Variants in TNR observed in about 807,000 individuals in gnomAD.
TNR encodes tenascin-R.
In TNR, 45 loss-of-function variants were observed where a neutral mutation model predicts 150.4. The ratio of observed to expected loss-of-function variants is 0.30; its 90% CI spans 0.24 to 0.38. TNR has a LOEUF of 0.38. TNR is among the 10% of genes least tolerant of loss of function. The probability of loss-of-function intolerance (pLI) is 1.00; values close to 1 mark genes in which losing one functional copy is unlikely to be tolerated. For synonymous variants in TNR, 687 were observed against 678.4 expected, an observed-to-expected ratio of 1.01 and a Z score of -0.20; for missense variants, 1,544 against 1,759.1, an observed-to-expected ratio of 0.88 and a Z score of 2.19.
intron 2 of TNR, among the ~76,000 whole-genome samples, chr1:175,439,789 G>A (rs892767170): frequency 6.6e-6 from 1 of 152,190 alleles, no homozygotes; most frequent in African/African-American, 2.4e-5. Context: ...CATCATCACT[G>A]GCCATCAGAG....
chr1:175,611,650 G>A (rs934894572), intron 1 of TNR, among the ~76,000 whole-genome samples: 1 of 152,040 alleles, frequency 6.6e-6, no homozygotes, highest in Non-Finnish European at 1.5e-5. Flanking sequence ...GCTCTCTCTT[G>A]ATCTCCATCT....
At chr1:175,541,902 C>T (rs1450000997) in intron 1 of TNR, among the ~76,000 whole-genome samples, 2 of 152,222 alleles carry the variant, frequency 1.3e-5, no homozygotes, top group Admixed American at 1.3e-4. Flanking sequence ...CAACGTTTGA[C>T]CACATTTGTC....
intron 1 of TNR, among the ~76,000 whole-genome samples, chr1:175,730,289 C>T (rs1225777718): frequency 6.6e-6 from 1 of 152,200 alleles, no homozygotes; most frequent in Non-Finnish European, 1.5e-5. Flanking sequence ...TGCAACCCAC[C>T]TGCCATCTCC....
intron 1 of TNR, among the ~76,000 whole-genome samples, chr1:175,597,794 A>G (rs1663069201): frequency 1.3e-5 from 2 of 152,226 alleles, no homozygotes; most frequent in Non-Finnish European, 2.9e-5. Flanking sequence ...CAAAAGAAAA[A>G]CAGATGGCAG....
chr1:175,648,895 A>C (rs1157468872), intron 1 of TNR, among the ~76,000 whole-genome samples: 4 of 152,244 alleles, frequency 2.6e-5, no homozygotes, highest in African/African-American at 9.6e-5. Flanking sequence ...TTCCTGGTTC[A>C]TGTTGACTTG....
chr1:175,330,343 A>C, intron 20 of TNR, 108 bp from the exon 21 acceptor site: 3 of 1,191,220 alleles, frequency 2.5e-6, no homozygotes, highest in South Asian at 2.1e-5. Flanking sequence ...AGAGGAGGGG[A>C]CTCCAGATTG....
chr1:175,585,094 C>T (rs565205038), intron 1 of TNR, among the ~76,000 whole-genome samples: 62 of 152,304 alleles, frequency 4.1e-4, no homozygotes, highest in African/African-American at 1.4e-3. Flanking sequence ...GAGGCCTTAA[C>T]TCATGTCAAC....
At chr1:175,655,098 T>C (rs1301552457) in intron 1 of TNR, among the ~76,000 whole-genome samples, 2 of 152,196 alleles carry the variant, frequency 1.3e-5, no homozygotes, top group Non-Finnish European at 2.9e-5. Context: ...CGCTGAGGAC[T>C]GATTTAGCTT....
At chr1:175,545,156 C>CA (rs1557997829) in intron 1 of TNR, among the ~76,000 whole-genome samples, 2 of 151,762 alleles carry the variant, frequency 1.3e-5, no homozygotes, top group Admixed American at 1.3e-4. Context: ...CTGCTACAAC[C>CA]AAAAAAAGAA....
chr1:175,550,087 A>C (rs1361629843), intron 1 of TNR, among the ~76,000 whole-genome samples: 1 of 152,194 alleles, frequency 6.6e-6, no homozygotes, highest in African/African-American at 2.4e-5. Flanking sequence ...TGGCCAACAA[A>C]TTTTGCAAGA....
At chr1:175,391,234 C>T in intron 7 of TNR, 54 bp downstream of exon 7, 1 of 1,590,810 alleles carries the variant, frequency 6.3e-7, no homozygotes, top group Admixed American at 1.8e-5. Context: ...TTCTGTGGTT[C>T]TTTTCCAAGT....
At chr1:175,574,358 A>C (rs1571625830) in intron 1 of TNR, among the ~76,000 whole-genome samples, 1 of 152,184 alleles carries the variant, frequency 6.6e-6, no homozygotes, top group Non-Finnish European at 1.5e-5. Context: ...GGTATAAGAT[A>C]ATCAAAGTAC....
In TNR at chr1:175,357,108, A is replaced by G. The variant is rs1011595768; in HGVS notation, c.2975-646T>C. 5.3e-5 allele frequency among the ~76,000 whole-genome samples: 8 copies of G among 152,248 alleles called. No homozygotes were observed. The South Asian group carries it at 1.7e-3, about 32-fold the overall frequency. On this transcript the variant is annotated intron_variant, in intron 15 of 22. Transcript: ENST00000367674. ...CCCTACCTCTCAATCCAATTTTGTT[A>G]GTTGATTTTTTATACCCATGGACAG...
chr1:175,386,103 C>A lies in TNR; in HGVS notation c.1706G>T (p.Arg569Leu), dbSNP rs776579268. 61 of 1,612,548 alleles carry A rather than the reference C, an allele frequency of 3.8e-5. No homozygotes were observed. The highest frequency in any genetic ancestry group is 4.6e-5 in the Non-Finnish European group (54 of 1,178,918). Residue 569 changes from arginine (R) to leucine (L), a missense_variant, in exon 8 of 23, where the codon CGA becomes CTA. Arg to Leu is a moderately radical substitution (Grantham distance 102). Around this residue, in one of 2 missense-constraint regions of TNR, gnomAD observed 1,254 missense variants for 1,329.4 expected, o/e 0.94. Transcript: ENST00000367674. ...YSVQALRPGSRYEVSVSAVRG... is the reference protein window; with the variant it reads ...YSVQALRPGSLYEVSVSAVRG... ...GACGGCACTGACTGACACCTCGTAT[C>A]GGGAGCCAGGCCGCAGGGCCTGCAC...
At chr1:175,535,692 C>T (rs1166087577) in intron 1 of TNR, among the ~76,000 whole-genome samples, 1 of 150,880 alleles carries the variant, frequency 6.6e-6, no homozygotes, top group African/African-American at 2.4e-5. Flanking sequence ...TATTTCTTAA[C>T]TTTGGTATAA....
rs1651475105 is a variant in TNR, at chr1:175,359,191, G to A, written c.2974+421C>T. Among the ~76,000 whole-genome samples, 7 of 116,670 alleles carry A rather than the reference G, an allele frequency of 6.0e-5. 1 individual carries two copies. The Admixed American group carries it at 7.3e-4, about 12-fold the overall frequency. The allele number at this position is 116,670 out of a possible 152,430, so 76.5% of individuals were successfully genotyped here. On this transcript the variant is annotated intron_variant, in intron 15 of 22. Transcript: ENST00000367674. ...GATGGAGTCTTGCTGTGACTCCCAG[G>A]CTGGAGTGCAATGGCGTGATCTTGG...
chr1:175,536,289 C>T (rs1660279089), intron 1 of TNR, among the ~76,000 whole-genome samples: 1 of 152,136 alleles, frequency 6.6e-6, no homozygotes. Context: ...TGGCATGATC[C>T]ATATTTTTTA....
chr1:175,477,511 G>T (rs1244876174), intron 2 of TNR, among the ~76,000 whole-genome samples: 1 of 152,208 alleles, frequency 6.6e-6, no homozygotes, highest in East Asian at 1.9e-4. Context: ...TGTTTGTAAA[G>T]TGTTGGGCAT....
chr1:175,380,383 T>G (rs1652614718), intron 8 of TNR, among the ~76,000 whole-genome samples: 1 of 152,100 alleles, frequency 6.6e-6, no homozygotes, highest in Non-Finnish European at 1.5e-5. Flanking sequence ...ATACCAACAT[T>G]TTCAGGTTGT....
Sources: gnomAD v4.1 joint callset for allele counts (sites outside exome capture counted in the v4.1 genomes callset) on GRCh38, gnomAD v4.1.1 for gene constraint, gnomAD v4.1.1 regional missense constraint, MANE v1.5 for transcripts, NCBI Gene and HGNC (gene_info 2026-07-23, HGNC 2026-07-21) for gene names.